The following GNAT3 variants were observed in gnomAD, a reference collection of about 807,000 sequenced individuals.
GNAT3 encodes guanine nucleotide-binding protein G(t) subunit alpha-3.
In GNAT3, 31 loss-of-function variants were observed where a neutral mutation model predicts 37.7. The observed-to-expected ratio is 0.82, with a 90% CI of 0.62 to 1.11. The LOEUF is 1.11. Among genes scored for constraint, GNAT3 ranks in the 50% most tolerant of loss-of-function variants. The pLI, the probability that GNAT3 is intolerant of heterozygous loss-of-function variation, is 0.00. For synonymous variants in GNAT3, 138 were observed against 139.8 expected, an observed-to-expected ratio of 0.99 and a Z score of 0.09; for missense variants, 437 against 412.5, an observed-to-expected ratio of 1.06 and a Z score of -0.51.
At chr7:80,501,110 C>T (rs1790824875) in intron 1 of GNAT3, among the ~76,000 whole-genome samples, 1 of 151,942 alleles carries the variant, frequency 6.6e-6, no homozygotes, top group Non-Finnish European at 1.5e-5. Context: ...TGATAGAATT[C>T]CCTTATAAAG....
intron 2 of GNAT3, among the ~76,000 whole-genome samples, chr7:80,493,878 C>A (rs1331324014): frequency 6.7e-6 from 1 of 149,526 alleles, no homozygotes; most frequent in Non-Finnish European, 1.5e-5. Flanking sequence ...CTTTCCTCCT[C>A]CTCCTCTTTC....
At chr7:80,492,061 G>A (rs1790602399) in intron 2 of GNAT3, among the ~76,000 whole-genome samples, 1 of 152,056 alleles carries the variant, frequency 6.6e-6, no homozygotes, top group Admixed American at 6.6e-5. Context: ...CGGGCACAGT[G>A]GCTCATGCCT....
intron 4 of GNAT3, among the ~76,000 whole-genome samples, chr7:80,476,230 T>G (rs751050445): frequency 4.6e-5 from 7 of 151,852 alleles, no homozygotes; most frequent in Non-Finnish European, 7.4e-5. Context: ...ACTGACAAAT[T>G]TGCATTTAAA....
At chr7:80,479,142 G>A in intron 3 of GNAT3, 144 bp from the exon 4 acceptor site, 1 of 626,332 alleles carries the variant, frequency 1.6e-6, no homozygotes, top group East Asian at 3.1e-5. Flanking sequence ...CTATATTGAG[G>A]TAAATAGAAC....
intron 1 of GNAT3, among the ~76,000 whole-genome samples, chr7:80,504,147 C>T (rs1321199547): frequency 2.0e-5 from 3 of 152,088 alleles, no homozygotes; most frequent in African/African-American, 4.8e-5. Flanking sequence ...GAAACTCTGT[C>T]TCTACAAAAA....
intron 3 of GNAT3, among the ~76,000 whole-genome samples, chr7:80,482,608 C>T (rs1303360830): frequency 2.0e-5 from 3 of 151,470 alleles, no homozygotes; most frequent in African/African-American, 7.3e-5. Flanking sequence ...CCACCTCCCA[C>T]TTTCAAGCGA....
At chr7:80,487,131 T>A (rs1790500278) in intron 3 of GNAT3, among the ~76,000 whole-genome samples, 1 of 152,216 alleles carries the variant, frequency 6.6e-6, no homozygotes, top group Non-Finnish European at 1.5e-5. Context: ...GAGCCTTGTT[T>A]TTTTTAAATT....
Position 80,511,807 on chromosome 7 carries a change from A to C in GNAT3, c.118+2T>G. ...TTGAAAGCAAAAGGGAAAAGAAATTACCTAATAGTAGCAGCTTTACGGTTC... is the reference window on the plus strand; with the variant it reads ...TTGAAAGCAAAAGGGAAAAGAAATTCCCTAATAGTAGCAGCTTTACGGTTC... On this transcript the variant is annotated splice_donor_variant, in intron 1 of 7. Transcript: ENST00000398291. LOFTEE classifies it high-confidence loss of function. 6.3e-7 allele frequency: 1 copy of C among 1,584,660 alleles called. No individual in the cohort carries two copies. The highest frequency in any genetic ancestry group is 8.7e-7 in the Non-Finnish European group (1 of 1,155,910).
chr7:80,510,582 G>A (rs1791047912), intron 1 of GNAT3, among the ~76,000 whole-genome samples: 1 of 152,090 alleles, frequency 6.6e-6, no homozygotes, highest in Non-Finnish European at 1.5e-5. Flanking sequence ...TGGTGTGTTA[G>A]GAAGCATATA....
chr7:80,496,559 T>G (rs922926652), intron 1 of GNAT3, among the ~76,000 whole-genome samples: 1 of 152,232 alleles, frequency 6.6e-6, no homozygotes, highest in East Asian at 1.9e-4. Context: ...ATAATTCATA[T>G]ATTATTTAAA....
chr7:80,459,003 G>C, intron 7 of GNAT3, 142 bp from the exon 8 acceptor site: 1 of 603,472 alleles, frequency 1.7e-6, no homozygotes, highest in Non-Finnish European at 2.8e-6. Context: ...CAATTATCAG[G>C]GTGCTGGGAA....
chr7:80,488,687 A>C lies in GNAT3; in HGVS notation c.162-11T>G. ...TTCTTATGGATGATCCTATAATTTA[A>C]ACATGAAAAGTTTCTGTGAGTTGAA... On this transcript the variant is annotated splice_polypyrimidine_tract_variant and intron_variant, in intron 2 of 7. Transcript: ENST00000398291. 6.4e-7 allele frequency: 1 copy of C among 1,556,798 alleles called. No homozygotes were observed. The highest frequency in any genetic ancestry group is 2.3e-5 in the East Asian group (1 of 42,962).
chr7:80,494,214 A>G (rs1445522162), intron 2 of GNAT3, among the ~76,000 whole-genome samples: 1 of 152,200 alleles, frequency 6.6e-6, no homozygotes, highest in Non-Finnish European at 1.5e-5. Flanking sequence ...TAAGCATTTT[A>G]TTCCCAGGTA....
chr7:80,480,961 C>T (rs1790383058), intron 3 of GNAT3, among the ~76,000 whole-genome samples: 1 of 152,046 alleles, frequency 6.6e-6, no homozygotes, highest in African/African-American at 2.4e-5. Context: ...TGAAGTTGCT[C>T]TGGTTCAAAT....
intron 5 of GNAT3, 38 bp downstream of exon 5, chr7:80,474,213 T>C (rs377229539): frequency 1.3e-6 from 2 of 1,586,446 alleles, no homozygotes; most frequent in Non-Finnish European, 1.7e-6. Context: ...GCCTGATGCA[T>C]ACTTCTGTCT....
chr7:80,509,725 C>T (rs920319863), intron 1 of GNAT3, among the ~76,000 whole-genome samples: 1 of 152,042 alleles, frequency 6.6e-6, no homozygotes, highest in African/African-American at 2.4e-5. Context: ...ATTTTCAGTT[C>T]CAAATTTAAA....
intron 7 of GNAT3, among the ~76,000 whole-genome samples, chr7:80,459,221 T>C (rs912327799): frequency 2.0e-5 from 3 of 152,114 alleles, no homozygotes; most frequent in Admixed American, 6.5e-5. Context: ...AAAAGGTAGA[T>C]GACTAAGGCA....
chr7:80,485,577 A>G (rs959732974), intron 3 of GNAT3, among the ~76,000 whole-genome samples: 1 of 152,124 alleles, frequency 6.6e-6, no homozygotes, highest in Non-Finnish European at 1.5e-5. Context: ...TCCTCTCCTG[A>G]TGACAAATAT....
At chr7:80,497,615 C>T (rs1013875612) in intron 1 of GNAT3, among the ~76,000 whole-genome samples, 5 of 117,128 alleles carry the variant, frequency 4.3e-5, no homozygotes, top group South Asian at 2.3e-4. Flanking sequence ...TACGTATATA[C>T]ATATACGTAT....
Sources: gnomAD v4.1 joint callset for allele counts (sites outside exome capture counted in the v4.1 genomes callset) on GRCh38, gnomAD v4.1.1 for gene constraint, MANE v1.5 for transcripts, NCBI Gene and HGNC (gene_info 2026-07-23, HGNC 2026-07-21) for gene names.